The following TVP23A variants were observed in gnomAD, a reference collection of about 807,000 sequenced individuals.
The protein encoded by TVP23A is trans-golgi network vesicle protein 23 homolog A, also known as Golgi apparatus membrane protein TVP23 homolog A.
In TVP23A, 21 loss-of-function variants were observed where a neutral mutation model predicts 31.7. That is an observed-to-expected ratio of 0.66 (90% CI 0.47 to 0.95). The LOEUF is 0.95. Ranked by LOEUF, TVP23A falls within the 40% of genes least tolerant of loss-of-function variation. TVP23A has a pLI of 0.00. For missense variants in TVP23A, 279 were observed against 255.6 expected (o/e 1.09, Z -0.62); for synonymous variants, 104 against 96.0 (o/e 1.08, Z -0.49).
At chr16:10,809,415 G>A (rs896865890) in intron 2 of TVP23A, among the ~76,000 whole-genome samples, 1 of 152,254 alleles carries the variant, frequency 6.6e-6, no homozygotes, top group Non-Finnish European at 1.5e-5. Flanking sequence ...GACTGAGTTG[G>A]CCAGCAGGCC....
chr16:10,789,876 A>C (rs72785631), intron 2 of TVP23A, among the ~76,000 whole-genome samples: 2 of 151,964 alleles, frequency 1.3e-5, no homozygotes, highest in Non-Finnish European at 2.9e-5. Flanking sequence ...TTGTTTCAGA[A>C]AGGCGGGACA....
rs1350282730 is a variant in TVP23A at position 10,766,933 on chromosome 16, C to CTA, written c.*2167_*2168dup. The CTA allele has an allele frequency of 1.3e-5, 5 of 398,550 alleles. No individual in the cohort carries two copies. The Admixed American group carries it at 1.3e-4, about 11-fold the overall frequency. The allele number at this position is 398,550 out of a possible 1,614,324, so 24.7% of individuals were successfully genotyped here. On this transcript the variant is annotated 3_prime_UTR_variant, in exon 8 of 8. Coordinates refer to ENST00000299866, the MANE Select transcript of TVP23A (RefSeq NM_001079512.4). This position sits in a 1 kb window ranked among gnomAD's most constrained non-coding sequence, Gnocchi z 4.8. ...GCCTTATGTTCCCTGCCTCTGGACC[C>CTA]TATTTTCCTGACTCACTGGGCCATA...
At chr16:10,788,790 A>T (rs1213367535) in intron 2 of TVP23A, among the ~76,000 whole-genome samples, 1 of 152,184 alleles carries the variant, frequency 6.6e-6, no homozygotes, top group Non-Finnish European at 1.5e-5. Flanking sequence ...TTTTAACTTA[A>T]CAGAGAGTAG....
downstream of TVP23A, among the ~76,000 whole-genome samples, chr16:10,763,327 G>C (rs1246721010): frequency 1.3e-5 from 2 of 152,060 alleles, no homozygotes; most frequent in African/African-American, 4.8e-5. Flanking sequence ...CAGTGTTGGG[G>C]GATGGCTGCC....
intron 2 of TVP23A, among the ~76,000 whole-genome samples, chr16:10,788,482 G>A (rs1297995418): frequency 1.3e-5 from 2 of 152,034 alleles, no homozygotes; most frequent in East Asian, 3.9e-4. Flanking sequence ...CATCATGTTG[G>A]TCAGGCTGGT....
chr16:10,762,476 C>G (rs575940369), downstream of TVP23A, among the ~76,000 whole-genome samples: 1 of 152,316 alleles, frequency 6.6e-6, no homozygotes, highest in South Asian at 2.1e-4. Context: ...CGGGCGCCCA[C>G]TCGCCGCGGG....
At chr16:10,802,571 C>A (rs1008939641) in intron 2 of TVP23A, among the ~76,000 whole-genome samples, 7 of 152,128 alleles carry the variant, frequency 4.6e-5, no homozygotes, top group Non-Finnish European at 1.0e-4. Flanking sequence ...TGAGCCAGTG[C>A]ACTCGTCCAA....
chr16:10,811,866 T>C (rs1462184892), intron 2 of TVP23A, among the ~76,000 whole-genome samples: 1 of 135,016 alleles, frequency 7.4e-6, no homozygotes, highest in African/African-American at 2.9e-5. Flanking sequence ...ATCACGCCAC[T>C]GCACTCCAGC....
Position 10,818,420 on chromosome 16 carries a change from C to CCAG in TVP23A, c.9+62_9+64dup. 2 of 1,580,922 alleles carry CCAG rather than the reference C, an allele frequency of 1.3e-6. No individual in the cohort carries two copies. The highest frequency in any genetic ancestry group is 1.7e-6 in the Non-Finnish European group (2 of 1,167,988). ...ATCCCTCCTCCTCCTCCCGGCTTCT[C>CCAG]CAGCGCTCCCGCAGGCTCCCCTCGT... On this transcript the variant is annotated intron_variant, in intron 1 of 7. Transcript: ENST00000299866. This position sits in a 1 kb window ranked among gnomAD's most constrained non-coding sequence, Gnocchi z 4.7.
chr16:10,808,783 A>G (rs1471792255), intron 2 of TVP23A, among the ~76,000 whole-genome samples: 3 of 151,750 alleles, frequency 2.0e-5, no homozygotes, highest in South Asian at 4.2e-4. Context: ...TCCCCCCACA[A>G]CTCCCCAAAA....
At chr16:10,774,648 T>G (rs1452390857) in intron 3 of TVP23A, among the ~76,000 whole-genome samples, 26 of 150,410 alleles carry the variant, frequency 1.7e-4, no homozygotes, top group Non-Finnish European at 1.5e-5. Context: ...TTGACTCTTG[T>G]CACCCAGGCT....
intron 5 of TVP23A, among the ~76,000 whole-genome samples, chr16:10,772,286 G>A (rs1341086170): frequency 1.3e-5 from 2 of 152,190 alleles, no homozygotes; most frequent in African/African-American, 4.8e-5. Flanking sequence ...CTGGAGCGTG[G>A]TCGAGCCGGG....
chr16:10,774,996 CA>C lies in TVP23A; in HGVS notation c.189del (p.Phe63LeufsTer15), dbSNP rs1292937979. On this transcript the variant is annotated frameshift_variant, in exon 3 of 8. Coordinates refer to ENST00000299866, the MANE Select transcript of TVP23A (RefSeq NM_001079512.4). LOFTEE classifies it high-confidence loss of function. ...DWFSKSFVGC[F>X]VMVLLLLSLD... ...AGGGACAGGAGGAGCAGCACCATGA[CA>C]AAACAGCCCACAAAGCTCTTGCTGA... The C allele has an allele frequency of 1.2e-6, 2 of 1,612,944 alleles. No homozygotes were observed. The highest frequency in any genetic ancestry group is 8.5e-7 in the Non-Finnish European group (1 of 1,179,426).
chr16:10,793,789 T>A (rs2142992521), intron 2 of TVP23A, among the ~76,000 whole-genome samples: 1 of 148,364 alleles, frequency 6.7e-6, no homozygotes, highest in East Asian at 2.0e-4. Flanking sequence ...GTCCAACCTA[T>A]GTGGGAGGCT....
intron 2 of TVP23A, among the ~76,000 whole-genome samples, chr16:10,792,623 A>G (rs2033166450): frequency 6.6e-6 from 1 of 152,264 alleles, no homozygotes; most frequent in African/African-American, 2.4e-5. Flanking sequence ...ACCCAAGCCT[A>G]AAAAAGCAAA....
chr16:10,801,949 T>C (rs375917786), intron 2 of TVP23A, among the ~76,000 whole-genome samples: 27 of 151,856 alleles, frequency 1.8e-4, no homozygotes, highest in African/African-American at 5.8e-4. Flanking sequence ...GGCAGGAGGA[T>C]TGCTTGAGCC....
At chr16:10,786,990 G>C (rs2142974850) in intron 2 of TVP23A, among the ~76,000 whole-genome samples, 1 of 151,952 alleles carries the variant, frequency 6.6e-6, no homozygotes, top group Middle Eastern at 3.4e-3. Flanking sequence ...GACTGTTACA[G>C]CTGGATACAT....
intron 2 of TVP23A, among the ~76,000 whole-genome samples, chr16:10,783,453 A>T (rs2032546018): frequency 6.6e-6 from 1 of 152,184 alleles, no homozygotes; most frequent in African/African-American, 2.4e-5. Context: ...AGGTGGGCAG[A>T]TCACTTGAGA....
At chr16:10,769,371 C>G (rs865795730) in intron 7 of TVP23A, 7 of 386,554 alleles carry the variant, frequency 1.8e-5, no homozygotes, top group Admixed American at 4.4e-5. Context: ...GCCTGTTTCA[C>G]GTAAAAAACA....
Sources: allele counts gnomAD v4.1 joint callset (sites outside exome capture counted in the v4.1 genomes callset), GRCh38; gene constraint gnomAD v4.1.1; non-coding constraint Gnocchi (gnomAD v3.1); transcripts MANE v1.5; gene names NCBI Gene and HGNC (gene_info 2026-07-23, HGNC 2026-07-21).